Variants in SMG6 observed in about 807,000 individuals in gnomAD.
SMG6 encodes telomerase-binding protein EST1A.
In SMG6, 66 loss-of-function variants were observed where a neutral mutation model predicts 142.2. That is an observed-to-expected ratio of 0.46 (90% CI 0.38 to 0.57). The LOEUF is 0.57. SMG6 is among the 20% of genes least tolerant of loss of function. SMG6 has a pLI of 0.00. For missense variants in SMG6, 1,793 were observed against 1,832.0 expected (o/e 0.98, Z 0.39); for synonymous variants, 779 against 702.4 (o/e 1.11, Z -1.72).
At chr17:2,076,043 G>A (rs1319914317) in intron 15 of SMG6, among the ~76,000 whole-genome samples, 1 of 152,212 alleles carries the variant, frequency 6.6e-6, no homozygotes, top group Non-Finnish European at 1.5e-5. Flanking sequence ...CGGCCCAGGG[G>A]TCTAGGTAAG....
At chr17:2,165,950 G>A (rs1389889602) in intron 13 of SMG6, among the ~76,000 whole-genome samples, 1 of 152,046 alleles carries the variant, frequency 6.6e-6, no homozygotes, top group Non-Finnish European at 1.5e-5. Context: ...GGTGACTCAG[G>A]CCTGCAATCC....
At chr17:2,165,755 A>C (rs1448412116) in intron 13 of SMG6, among the ~76,000 whole-genome samples, 1 of 152,138 alleles carries the variant, frequency 6.6e-6, no homozygotes, top group African/African-American at 2.4e-5. Context: ...AGTAAAAATA[A>C]TTAGCCAGGT....
At chr17:2,147,012 G>T (rs952614831) in intron 13 of SMG6, among the ~76,000 whole-genome samples, 1 of 152,052 alleles carries the variant, frequency 6.6e-6, no homozygotes, top group Admixed American at 6.6e-5. Flanking sequence ...GAGGTTACAG[G>T]GATATTTCAC....
chr17:2,267,704 T>G (rs1055920559), intron 8 of SMG6, among the ~76,000 whole-genome samples: 16 of 151,616 alleles, frequency 1.1e-4, no homozygotes, highest in African/African-American at 3.9e-4. Context: ...AAGCTTTCTT[T>G]TTTAATGTAT....
At chr17:2,274,351 G>A (rs2074602951) in intron 8 of SMG6, among the ~76,000 whole-genome samples, 1 of 152,124 alleles carries the variant, frequency 6.6e-6, no homozygotes, top group Non-Finnish European at 1.5e-5. Context: ...CTTAAGCACT[G>A]AGCCCAGAAC....
intron 15 of SMG6, among the ~76,000 whole-genome samples, chr17:2,078,662 G>A (rs1485180835): frequency 1.3e-5 from 2 of 152,130 alleles, no homozygotes; most frequent in East Asian, 1.9e-4. Context: ...ATAAGCCACT[G>A]CGCCCAGCCA....
intron 8 of SMG6, 135 bp downstream of exon 8, chr17:2,282,512 A>G: frequency 3.9e-6 from 3 of 775,034 alleles, no homozygotes; most frequent in Non-Finnish European, 6.6e-6. Flanking sequence ...AGAAGGGAAA[A>G]GACCATCAGG....
chr17:2,120,392 C>T (rs938855446), intron 13 of SMG6, among the ~76,000 whole-genome samples: 1 of 152,122 alleles, frequency 6.6e-6, no homozygotes, highest in African/African-American at 2.4e-5. Flanking sequence ...AAAGATCCTT[C>T]ATAAGGAAGA....
chr17:2,083,196 C>T (rs1056455412), intron 14 of SMG6, among the ~76,000 whole-genome samples: 2 of 152,176 alleles, frequency 1.3e-5, no homozygotes, highest in African/African-American at 4.8e-5. Context: ...GTGAGGCCTG[C>T]TGCAGGCCCA....
At chr17:2,099,062 T>C (rs1482484229) in intron 13 of SMG6, among the ~76,000 whole-genome samples, 1 of 152,194 alleles carries the variant, frequency 6.6e-6, no homozygotes, top group African/African-American at 2.4e-5. Flanking sequence ...GTGTGTGTGC[T>C]TAAAATAAAA....
chr17:2,118,644 C>T (rs1347420481), intron 13 of SMG6, among the ~76,000 whole-genome samples: 2 of 145,010 alleles, frequency 1.4e-5, no homozygotes, highest in East Asian at 2.0e-4. Flanking sequence ...AACGGTCTTG[C>T]TCTGTTGCCC....
intron 10 of SMG6, among the ~76,000 whole-genome samples, chr17:2,201,135 T>C (rs749079431): frequency 3.9e-5 from 6 of 152,120 alleles, no homozygotes; most frequent in Non-Finnish European, 7.4e-5. Context: ...AAAAGATACA[T>C]CTGACAAAGG....
intron 13 of SMG6, among the ~76,000 whole-genome samples, chr17:2,124,090 G>C (rs1185679803): frequency 3.3e-5 from 5 of 152,166 alleles, no homozygotes; most frequent in Admixed American, 2.6e-4. Context: ...TATCATTCCA[G>C]AACAACAACC....
At chr17:2,119,600 A>G (rs534142905) in intron 13 of SMG6, among the ~76,000 whole-genome samples, 1 of 150,088 alleles carries the variant, frequency 6.7e-6, no homozygotes, top group Non-Finnish European at 1.5e-5. Flanking sequence ...CCTGGGTTCA[A>G]GCGATTCTTG....
chr17:2,228,653 G>A (rs1426112837), intron 10 of SMG6, among the ~76,000 whole-genome samples: 2 of 152,240 alleles, frequency 1.3e-5, no homozygotes, highest in Non-Finnish European at 2.9e-5. Context: ...GCAAGCCACC[G>A]TGCCTGGCCC....
chr17:2,084,819 G>C (rs1251240729), intron 14 of SMG6, among the ~76,000 whole-genome samples: 1 of 152,196 alleles, frequency 6.6e-6, no homozygotes, highest in Non-Finnish European at 1.5e-5. Flanking sequence ...GTAAAAGTGA[G>C]GTGTGTGTGA....
intron 13 of SMG6, among the ~76,000 whole-genome samples, chr17:2,154,220 C>T (rs964301165): frequency 6.9e-6 from 1 of 143,982 alleles, no homozygotes; most frequent in Non-Finnish European, 1.5e-5. Flanking sequence ...CAGAGTGTGA[C>T]GGTGACTGGG....
chr17:2,127,042 G>A (rs956478507), intron 13 of SMG6, among the ~76,000 whole-genome samples: 1 of 151,846 alleles, frequency 6.6e-6, no homozygotes, highest in South Asian at 2.1e-4. Flanking sequence ...AGGAAGCTGA[G>A]GTGGGAGGAT....
intron 12 of SMG6, among the ~76,000 whole-genome samples, chr17:2,173,510 C>T (rs191038122): frequency 6.6e-6 from 1 of 152,318 alleles, no homozygotes; most frequent in Admixed American, 6.5e-5. Flanking sequence ...AGCCATTCCA[C>T]ACCTCTCCTT....
Sources: gnomAD v4.1 joint callset for allele counts (sites outside exome capture counted in the v4.1 genomes callset) on GRCh38, gnomAD v4.1.1 for gene constraint, MANE v1.5 for transcripts, NCBI Gene and HGNC (gene_info 2026-07-23, HGNC 2026-07-21) for gene names.